The following ARID4A variants were observed in gnomAD, a reference collection of about 807,000 sequenced individuals.
ARID4A encodes the protein AT-rich interaction domain 4A, also known as AT-rich interactive domain-containing protein 4A.
A neutral mutation model predicts 148.6 loss-of-function variants in ARID4A; 39 were observed. The ratio of observed to expected loss-of-function variants is 0.26; its 90% CI spans 0.20 to 0.34. The LOEUF (loss-of-function observed/expected upper bound fraction) is 0.34, where lower values mean the gene tolerates loss of function less well. ARID4A is among the 10% of genes least tolerant of loss of function. The pLI is 1.00. For synonymous variants in ARID4A, 475 were observed against 481.2 expected (o/e 0.99, Z 0.17); for missense variants, 1,265 against 1,449.1 (o/e 0.87, Z 2.06).
At position 58,364,675 on chromosome 14, in the gene ARID4A, A is replaced by G. The variant is rs187901809; in HGVS notation, c.2586A>G (p.Gln862=). 80 of 1,613,992 alleles carry G rather than the reference A, an allele frequency of 5.0e-5. No homozygotes were observed. Among genetic ancestry groups the G allele is most frequent in the East Asian group, 4.2e-4 (19 of 44,870 alleles). Reference sequence around the variant, plus strand: ...AGTTGAAACGGAAAATACTAGGACAATCATCGCCAGAGAAAAAAATAAGAA... The same window carrying G: ...AGTTGAAACGGAAAATACTAGGACAGTCATCGCCAGAGAAAAAAATAAGAA... ...EKKLKRKILG[Q]SSPEKKIRIE... Residue 862 remains glutamine (Q), a synonymous_variant, in exon 20 of 24, where the codon CAA becomes CAG. Coordinates refer to ENST00000355431, the MANE Select transcript of ARID4A (RefSeq NM_002892.4).
At chr14:58,323,848 A>G (rs981403548) in intron 8 of ARID4A, among the ~76,000 whole-genome samples, 1 of 145,918 alleles carries the variant, frequency 6.9e-6, no homozygotes, top group Non-Finnish European at 1.5e-5. Context: ...TTCTTCCCTC[A>G]TAATATGTCC....
intron 11 of ARID4A, among the ~76,000 whole-genome samples, chr14:58,341,749 A>G (rs1239688805): frequency 1.3e-5 from 2 of 152,220 alleles, no homozygotes; most frequent in African/African-American, 4.8e-5. Flanking sequence ...TACTTATAAT[A>G]CTAAGCAGTA....
chr14:58,329,275 G>C (rs1420061948), intron 9 of ARID4A, among the ~76,000 whole-genome samples: 1 of 152,128 alleles, frequency 6.6e-6, no homozygotes. Flanking sequence ...CTATCTGTAG[G>C]AGGATTGTAT....
intron 3 of ARID4A, among the ~76,000 whole-genome samples, chr14:58,303,272 A>G (rs1242780306): frequency 6.6e-6 from 1 of 152,178 alleles, no homozygotes; most frequent in Non-Finnish European, 1.5e-5. Flanking sequence ...TATCATCTCA[A>G]ACATTTTTCA....
chr14:58,312,515 GAAAT>G (rs1422270232), intron 5 of ARID4A, among the ~76,000 whole-genome samples: 3 of 151,854 alleles, frequency 2.0e-5, no homozygotes, highest in Non-Finnish European at 2.9e-5. Flanking sequence ...CGTGCCCGGT[GAAAT>G]AAATAATTTT....
chr14:58,368,739 A>C (rs1342477583), intron 23 of ARID4A, among the ~76,000 whole-genome samples: 2 of 152,210 alleles, frequency 1.3e-5, no homozygotes, highest in African/African-American at 4.8e-5. Flanking sequence ...GATGGGACCC[A>C]AGTCTAAACA....
intron 7 of ARID4A, 130 bp from the exon 8 acceptor site, chr14:58,323,355 A>C (rs912174182): frequency 9.4e-7 from 1 of 1,066,330 alleles, no homozygotes; most frequent in Admixed American, 2.7e-5. Context: ...TTCAGTTACA[A>C]TAAGAATGGA....
At chr14:58,319,540 TTTTTTTTTTTTTTTTTTTTTG>T (rs1853128559) in intron 7 of ARID4A, among the ~76,000 whole-genome samples, 1 of 102,328 alleles carries the variant, frequency 9.8e-6, no homozygotes, top group African/African-American at 4.2e-5. Context: ...TTTTTTTTTT[TTTTTTTTTTTTTTTTTTTTTG>T]GTGAGATGGA....
chr14:58,322,073 T>A (rs558799355), intron 7 of ARID4A, among the ~76,000 whole-genome samples: 1 of 152,020 alleles, frequency 6.6e-6, no homozygotes, highest in East Asian at 1.9e-4. Context: ...CAGGTTCAAG[T>A]GATTCTCGTG....
At chr14:58,356,058 T>C (rs945888842) in intron 17 of ARID4A, among the ~76,000 whole-genome samples, 1 of 152,210 alleles carries the variant, frequency 6.6e-6, no homozygotes, top group Non-Finnish European at 1.5e-5. Flanking sequence ...CCACCATGGT[T>C]CCTAACGAAT....
intron 23 of ARID4A, among the ~76,000 whole-genome samples, chr14:58,368,962 C>A (rs944726611): frequency 1.3e-5 from 2 of 151,838 alleles, no homozygotes; most frequent in Admixed American, 6.6e-5. Context: ...AAAGAGATTG[C>A]CACCTTGAAA....
chr14:58,301,778 G>C, intron 3 of ARID4A, 88 bp downstream of exon 3: 1 of 876,384 alleles, frequency 1.1e-6, no homozygotes, highest in Non-Finnish European at 1.7e-6. Flanking sequence ...ATTTTATTGA[G>C]TCATTATATG....
intron 7 of ARID4A, among the ~76,000 whole-genome samples, chr14:58,322,129 C>T (rs1026028743): frequency 2.6e-5 from 4 of 151,780 alleles, no homozygotes; most frequent in African/African-American, 9.7e-5. Flanking sequence ...TGATACCACA[C>T]CTGGCTAATT....
At chr14:58,349,689 GGT>G (rs2034543750) in intron 15 of ARID4A, among the ~76,000 whole-genome samples, 1 of 152,022 alleles carries the variant, frequency 6.6e-6, no homozygotes, top group Non-Finnish European at 1.5e-5. Flanking sequence ...ACTCTAGCCT[GGT>G]CGATAGAGCG....
intron 7 of ARID4A, 31 bp from the exon 8 acceptor site, chr14:58,323,454 A>T: frequency 6.3e-7 from 1 of 1,589,948 alleles, no homozygotes; most frequent in Non-Finnish European, 8.6e-7. Flanking sequence ...TGTTTGTGTT[A>T]GGATAATGAT....
chr14:58,353,973 G>A, intron 17 of ARID4A, 118 bp downstream of exon 17: 1 of 935,424 alleles, frequency 1.1e-6, no homozygotes, highest in Non-Finnish European at 1.6e-6. Flanking sequence ...GCACACCTTG[G>A]TTCTGAATTT....
chr14:58,300,889 A>G (rs1033142299), intron 2 of ARID4A, among the ~76,000 whole-genome samples: 6 of 151,724 alleles, frequency 4.0e-5, no homozygotes, highest in Non-Finnish European at 8.8e-5. Context: ...GTAGAGTGAC[A>G]TTTCTTACAT....
intron 5 of ARID4A, among the ~76,000 whole-genome samples, chr14:58,312,003 A>G (rs2140148057): frequency 6.6e-6 from 1 of 152,278 alleles, no homozygotes; most frequent in East Asian, 1.9e-4. Context: ...GAATAAGTTC[A>G]AGAGCTCCAT....
intron 16 of ARID4A, chr14:58,351,616 A>G (rs565183091): frequency 4.0e-6 from 1 of 248,546 alleles, no homozygotes; most frequent in Non-Finnish European, 7.7e-6. Context: ...AGGGAGCTGG[A>G]GAAAAATGGA....
Sources: allele counts gnomAD v4.1 joint callset (sites outside exome capture counted in the v4.1 genomes callset), GRCh38; gene constraint gnomAD v4.1.1; transcripts MANE v1.5; gene names NCBI Gene and HGNC (gene_info 2026-07-23, HGNC 2026-07-21).